The following RIMS2 variants were observed in gnomAD, a reference collection of about 807,000 sequenced individuals.
The protein encoded by RIMS2 is regulating synaptic membrane exocytosis protein 2.
RIMS2 carries 59 observed loss-of-function variants against 174.4 expected under a neutral mutation model. The observed-to-expected ratio is 0.34, with a 90% CI of 0.27 to 0.42. RIMS2 has a LOEUF of 0.42. Among genes scored for constraint, RIMS2 ranks in the 10% least tolerant of loss-of-function variants. The pLI, the probability that RIMS2 is intolerant of heterozygous loss-of-function variation, is 1.00. For synonymous variants in RIMS2, 606 were observed against 572.5 expected, an observed-to-expected ratio of 1.06 and a Z score of -0.84; for missense variants, 1,620 against 1,666.3, an observed-to-expected ratio of 0.97 and a Z score of 0.48.
At chr8:103,775,349 T>G (rs1169751371) in intron 3 of RIMS2, among the ~76,000 whole-genome samples, 1 of 152,092 alleles carries the variant, frequency 6.6e-6, no homozygotes, top group Admixed American at 6.6e-5. Flanking sequence ...GAGGTTAAAC[T>G]ATAGAGCTAA....
intron 1 of RIMS2, among the ~76,000 whole-genome samples, chr8:103,517,922 A>G (rs1438578644): frequency 1.1e-4 from 1 of 9,284 alleles, no homozygotes; most frequent in Non-Finnish European, 1.9e-4. Flanking sequence ...CTGATGAGCT[A>G]AAAAAAAAAA....
chr8:103,592,970 G>A (rs2094329157), intron 1 of RIMS2, among the ~76,000 whole-genome samples: 1 of 151,306 alleles, frequency 6.6e-6, no homozygotes, highest in African/African-American at 2.4e-5. Context: ...TTTGAATTTT[G>A]AGCCAAAGTA....
chr8:103,547,171 GT>G (rs1167442410), intron 1 of RIMS2, among the ~76,000 whole-genome samples: 1 of 152,142 alleles, frequency 6.6e-6, no homozygotes, highest in African/African-American at 2.4e-5. Flanking sequence ...AGGTTTCCCT[GT>G]TCCTTTAGGA....
At chr8:104,223,742 G>A (rs2099168127) in intron 19 of RIMS2, 2 of 1,595,240 alleles carry the variant, frequency 1.3e-6, no homozygotes, top group Non-Finnish European at 1.7e-6. Flanking sequence ...CTCCTTCGAG[G>A]CACTGGCCGG....
At chr8:103,789,653 C>T (rs2098477565) in intron 3 of RIMS2, among the ~76,000 whole-genome samples, 1 of 151,660 alleles carries the variant, frequency 6.6e-6, no homozygotes, top group African/African-American at 2.4e-5. Flanking sequence ...CTTCAGATTG[C>T]AAATACTTTT....
intron 19 of RIMS2, among the ~76,000 whole-genome samples, chr8:104,205,480 A>C (rs1487789099): frequency 1.5e-5 from 2 of 135,770 alleles, no homozygotes; most frequent in Admixed American, 7.9e-5. Flanking sequence ...TCACAATAAA[A>C]ATTTTGTGAA....
chr8:103,605,625 G>T (rs2095030049), intron 1 of RIMS2, among the ~76,000 whole-genome samples: 2 of 151,894 alleles, frequency 1.3e-5, no homozygotes, highest in Non-Finnish European at 2.9e-5. Context: ...GAATCCATCT[G>T]GTCCTGGACT....
At chr8:103,782,014 C>T (rs896215084) in intron 3 of RIMS2, among the ~76,000 whole-genome samples, 2 of 151,866 alleles carry the variant, frequency 1.3e-5, no homozygotes, top group African/African-American at 4.8e-5. Context: ...TCCCAAAGTG[C>T]TTGGATTAAA....
intron 19 of RIMS2, among the ~76,000 whole-genome samples, chr8:104,077,076 T>C (rs1044831709): frequency 2.0e-5 from 3 of 152,268 alleles, no homozygotes; most frequent in African/African-American, 7.2e-5. Flanking sequence ...CACCTTGGCC[T>C]CACAAAGTGC....
chr8:103,700,184 T>C (rs941293892), intron 2 of RIMS2, among the ~76,000 whole-genome samples: 8 of 152,182 alleles, frequency 5.3e-5, no homozygotes, highest in African/African-American at 1.9e-4. Context: ...TATAATAATA[T>C]GTGGATTTGT....
In RIMS2 at chr8:104,061,185, G is replaced by A. The variant is rs1165060906; in HGVS notation, c.3334+46570G>A. ...GACAGTAGGGTGTTTAAAGTCTGCC[G>A]TTATTATTGTGTGGGAGTCTAAGTC... On this transcript the variant is annotated intron_variant, in intron 19 of 23. Coordinates refer to ENST00000504942, the Ensembl canonical transcript of RIMS2. 5.3e-5 allele frequency among the ~76,000 whole-genome samples: 8 copies of A among 152,062 alleles called. No individual in the cohort carries two copies. The South Asian group carries it at 6.2e-4, about 12-fold the overall frequency.
chr8:103,920,950 G>C (rs958604690), intron 9 of RIMS2: 2 of 301,032 alleles, frequency 6.6e-6, no homozygotes, highest in African/African-American at 4.6e-5. Flanking sequence ...AGTGAGCCGA[G>C]ATCACGCCAC....
chr8:104,048,008 T>C (rs1037284997), intron 19 of RIMS2, among the ~76,000 whole-genome samples: 1 of 152,114 alleles, frequency 6.6e-6, no homozygotes, highest in African/African-American at 2.4e-5. Context: ...AATTATGTTT[T>C]AATGAAAGCA....
At chr8:103,879,747 T>A (rs980775992) in intron 3 of RIMS2, among the ~76,000 whole-genome samples, 1 of 151,666 alleles carries the variant, frequency 6.6e-6, no homozygotes, top group Non-Finnish European at 1.5e-5. Flanking sequence ...CACTTTTTAA[T>A]CTTTTTCTAC....
At chr8:104,118,840 G>C (rs1392573274) in intron 19 of RIMS2, among the ~76,000 whole-genome samples, 2 of 152,104 alleles carry the variant, frequency 1.3e-5, no homozygotes, top group Non-Finnish European at 2.9e-5. Context: ...TCTTTTCGTT[G>C]TGTCTTCACG....
At chr8:104,008,273 G>T (rs2095652986) in intron 17 of RIMS2, among the ~76,000 whole-genome samples, 1 of 151,688 alleles carries the variant, frequency 6.6e-6, no homozygotes, top group Admixed American at 6.6e-5. Flanking sequence ...TAAAAATAAG[G>T]ATTTTACAGG....
At chr8:103,944,242 T>G (rs2083201413) in intron 14 of RIMS2, among the ~76,000 whole-genome samples, 1 of 152,118 alleles carries the variant, frequency 6.6e-6, no homozygotes, top group Non-Finnish European at 1.5e-5. Context: ...TATTTTCAAA[T>G]GTCATTACGA....
chr8:104,249,693 T>G, intron 22 of RIMS2, 105 bp downstream of exon 28: 1 of 658,524 alleles, frequency 1.5e-6, no homozygotes, highest in Admixed American at 2.4e-5. Context: ...TCAAGATTAC[T>G]AATGGATGGT....
chr8:104,202,208 CAGAATT>C (rs1253390794), intron 19 of RIMS2, among the ~76,000 whole-genome samples: 2 of 152,090 alleles, frequency 1.3e-5, no homozygotes, highest in Non-Finnish European at 2.9e-5. Context: ...GCATGATACT[CAGAATT>C]AGTATAGACA....
Sources: gnomAD v4.1 joint callset for allele counts (sites outside exome capture counted in the v4.1 genomes callset) on GRCh38, gnomAD v4.1.1 for gene constraint, MANE v1.5 for transcripts, NCBI Gene and HGNC (gene_info 2026-07-23, HGNC 2026-07-21) for gene names.